AMDHD1: variants seen among roughly 807,000 people sequenced by gnomAD.
AMDHD1 encodes amidohydrolase domain containing 1, also known as probable imidazolonepropionase.
In AMDHD1, 45 loss-of-function variants were observed where a neutral mutation model predicts 44.1. The observed-to-expected ratio is 1.02, with a 90% CI of 0.80 to 1.31. The LOEUF is 1.31. Among genes scored for constraint, AMDHD1 ranks in the 50% most tolerant of loss-of-function variants. The pLI is 0.00. For synonymous variants in AMDHD1, 206 were observed against 205.0 expected (o/e 1.00, Z -0.04); for missense variants, 586 against 552.1 (o/e 1.06, Z -0.61).
chr12:95,965,534 T>C (rs112322394), intron 6 of AMDHD1, 152 bp from the exon 7 acceptor site: 32,633 of 484,156 alleles, frequency 0.067, 1,529 homozygotes, highest in South Asian at 0.18. Context: ...GGATTATATA[T>C]GTAACTCTAC....
At chr12:95,963,449 C>T (rs1233882610) in intron 6 of AMDHD1, among the ~76,000 whole-genome samples, 2 of 152,184 alleles carry the variant, frequency 1.3e-5, no homozygotes, top group African/African-American at 4.8e-5. Context: ...TAGGTAAGAC[C>T]AGGCTCCAAG....
At position 95,965,699 on chromosome 12, in the gene AMDHD1, C is replaced by T. The variant is rs779082195; in HGVS notation, c.952C>T (p.Arg318Ter). 12 of 1,612,108 alleles carry T rather than the reference C, an allele frequency of 7.4e-6. No individual in the cohort carries two copies. The highest frequency in any genetic ancestry group is 4.5e-5 in the East Asian group (2 of 44,774). ...TCCTCCCCTTAGACTGAAACAACCTCGAGCCAGGAAGATGTTAGATGAAGG... is the reference window on the plus strand; with the variant it reads ...TCCTCCCCTTAGACTGAAACAACCTTGAGCCAGGAAGATGTTAGATGAAGG... ...TAYMLRLKQP[R>*]ARKMLDEGVI... Residue 318 changes from arginine (R) to a stop codon, truncating the protein, a stop_gained, in exon 7 of 9, where the codon CGA becomes TGA. Transcript: ENST00000266736. LOFTEE classifies it high-confidence loss of function.
chr12:95,950,695 G>A (rs942658057), intron 1 of AMDHD1, among the ~76,000 whole-genome samples: 1 of 152,140 alleles, frequency 6.6e-6, no homozygotes, highest in Non-Finnish European at 1.5e-5. Context: ...CATGACCCAA[G>A]ATGGCCACCC....
chr12:95,962,205 G>A (rs2080585685), intron 5 of AMDHD1, 150 bp from the exon 6 acceptor site: 3 of 1,099,522 alleles, frequency 2.7e-6, no homozygotes, highest in African/African-American at 1.6e-5. Flanking sequence ...GGCGGAGGTT[G>A]CAGTGAGCTG....
Position 95,943,507 on chromosome 12 carries a change from C to T in AMDHD1, c.109C>T (p.Leu37=). Residue 37 remains leucine, a synonymous_variant, in exon 1 of 9, where the codon CTG becomes TTG. Coordinates refer to ENST00000266736, the MANE Select transcript of AMDHD1 (RefSeq NM_152435.3). ...ARDALRSLAV[L]EGASLVVGKD... is the part of the protein sequence containing the mutation. ...GGATGCGCTGCGCAGCCTGGCGGTGCTGGAAGGCGCCAGCCTGGTGGTGGG... is the reference window on the plus strand; with the variant it reads ...GGATGCGCTGCGCAGCCTGGCGGTGTTGGAAGGCGCCAGCCTGGTGGTGGG... 1 of 1,491,836 alleles carries T rather than the reference C, an allele frequency of 6.7e-7. No individual in the cohort carries two copies. The highest frequency in any genetic ancestry group is 8.9e-7 in the Non-Finnish European group (1 of 1,123,934). The allele number at this position is 1,491,836 out of a possible 1,614,324, so 92.4% of individuals were successfully genotyped here.
intron 5 of AMDHD1, 104 bp from the exon 6 acceptor site, chr12:95,962,251 A>G: frequency 6.8e-7 from 1 of 1,469,124 alleles, no homozygotes. Flanking sequence ...GCTACAGAGC[A>G]AGACTCCGTC....
At position 95,965,709 on chromosome 12, in the gene AMDHD1, A is replaced by G. The variant is rs772240768; in HGVS notation, c.962A>G (p.Lys321Arg). The G allele has an allele frequency of 2.5e-6, 4 of 1,612,748 alleles. No homozygotes were observed. The East Asian group carries it at 6.7e-5, about 27-fold the overall frequency. ...AGACTGAAACAACCTCGAGCCAGGA[A>G]GATGTTAGATGAAGGAGTAATAGTT... ...MLRLKQPRAR[K>R]MLDEGVIVAL... The change falls in exon 7 of 9, where the codon AAG becomes AGG. Residue 321 changes from lysine to arginine, a missense_variant. Physicochemically the swap from Lys to Arg is conservative, Grantham distance 26. Transcript: ENST00000266736.
chr12:95,952,570 C>T (rs1003517822), intron 1 of AMDHD1, 147 bp from the exon 2 acceptor site: 143 of 573,232 alleles, frequency 2.5e-4, no homozygotes, highest in Non-Finnish European at 2.2e-4. Flanking sequence ...TGGCTAGAGA[C>T]GCTTTTCCAG....
At chr12:95,965,571 GCTT>G (rs1014551637) in intron 6 of AMDHD1, 112 bp from the exon 7 acceptor site, 28 of 581,002 alleles carry the variant, frequency 4.8e-5, no homozygotes, top group Middle Eastern at 2.7e-4. Context: ...TTGAGTTTCT[GCTT>G]CTTCTTCCAG....
At position 95,960,490 on chromosome 12, in the gene AMDHD1, A is replaced by G; in HGVS notation, c.680A>G (p.Asp227Gly). 6.2e-7 allele frequency: 1 copy of G among 1,614,242 alleles called. No individual in the cohort carries two copies. The highest frequency in any genetic ancestry group is 8.5e-7 in the Non-Finnish European group (1 of 1,180,050). Reference protein sequence around the residue: ...ELGRNGEIHVDNIDVFCEKGV... With the variant: ...ELGRNGEIHVGNIDVFCEKGV... ...GGCAGAAATGGGGAAATACACGTGG[A>G]CAATATAGACGTATTTTGTGAGAAA... Residue 227 changes from aspartate (D) to glycine (G), a missense_variant, in exon 5 of 9, where the codon GAC becomes GGC. Asp to Gly is a moderately conservative substitution (Grantham distance 94, BLOSUM62 -1). Transcript: ENST00000266736.
Position 95,954,232 on chromosome 12 carries a change from A to C in AMDHD1, c.245-679A>C, listed in dbSNP as rs577969950. 6.6e-5 allele frequency among the ~76,000 whole-genome samples: 10 copies of C among 152,178 alleles called. No individual in the cohort carries two copies. In the East Asian group the frequency reaches 1.9e-3, roughly 29 times the overall value. On this transcript the variant is annotated intron_variant, in intron 2 of 8. Transcript: ENST00000266736. Reference sequence around the variant, plus strand: ...CATATCCAGATTATTCCTTGTGATAAGGTTCATGGTTTTGCCAACTAGGGG... The same window carrying C: ...CATATCCAGATTATTCCTTGTGATACGGTTCATGGTTTTGCCAACTAGGGG...
In AMDHD1 at chr12:95,957,037, C is replaced by T. The variant is rs978598247; in HGVS notation, c.587+75C>T. 5 of 1,568,292 alleles carry T rather than the reference C, an allele frequency of 3.2e-6. No individual in the cohort carries two copies. The Admixed American group carries it at 8.6e-5, about 27-fold the overall frequency. On this transcript the variant is annotated intron_variant, in intron 4 of 8. Coordinates refer to ENST00000266736, the MANE Select transcript of AMDHD1 (RefSeq NM_152435.3). ...AACCCCGGGGGTGGAGGCGCATTAG[C>T]ACTTTAGCTCTTGCAGGGAGATGGA...
chr12:95,946,326 T>A (rs1254639263), intron 1 of AMDHD1, among the ~76,000 whole-genome samples: 1 of 152,192 alleles, frequency 6.6e-6, no homozygotes, highest in African/African-American at 2.4e-5. Flanking sequence ...TATATTTTCC[T>A]TCCTAGAAGC....
chr12:95,951,538 C>G (rs1426227697), intron 1 of AMDHD1, among the ~76,000 whole-genome samples: 2 of 152,172 alleles, frequency 1.3e-5, no homozygotes, highest in Non-Finnish European at 2.9e-5. Flanking sequence ...GTGAATAGTG[C>G]TGCAATTAAC....
chr12:95,945,444 A>G (rs1010383246), intron 1 of AMDHD1, among the ~76,000 whole-genome samples: 8 of 152,198 alleles, frequency 5.3e-5, no homozygotes, highest in Non-Finnish European at 1.0e-4. Flanking sequence ...TGTCTTATAT[A>G]TTAGGTTGGT....
intron 6 of AMDHD1, among the ~76,000 whole-genome samples, chr12:95,962,895 G>A (rs146170021): frequency 6.6e-5 from 10 of 152,158 alleles, no homozygotes; most frequent in Admixed American, 6.5e-4. Context: ...TTTCTAAAGG[G>A]ATGTTAGTGG....
chr12:95,945,551 G>A (rs778036274), intron 1 of AMDHD1, among the ~76,000 whole-genome samples: 6 of 152,188 alleles, frequency 3.9e-5, no homozygotes, highest in Non-Finnish European at 8.8e-5. Flanking sequence ...TAAGGTAAAA[G>A]TGTTTTCAGG....
At chr12:95,956,520 G>C (rs1313732515) in intron 3 of AMDHD1, 165 bp from the exon 4 acceptor site, 2 of 894,766 alleles carry the variant, frequency 2.2e-6, no homozygotes, top group Admixed American at 5.7e-5. Context: ...GGCAGACTAG[G>C]GGCTTCCAGG....
intron 5 of AMDHD1, 59 bp from the exon 6 acceptor site, chr12:95,962,296 C>T: frequency 6.4e-7 from 1 of 1,569,038 alleles, no homozygotes; most frequent in Non-Finnish European, 8.7e-7. Flanking sequence ...TTTAATGGAA[C>T]TTCATGGATT....
Sources: gnomAD v4.1 joint callset for allele counts (sites outside exome capture counted in the v4.1 genomes callset) on GRCh38, gnomAD v4.1.1 for gene constraint, MANE v1.5 for transcripts, NCBI Gene and HGNC (gene_info 2026-07-23, HGNC 2026-07-21) for gene names.